UBE2Q1: variants seen among roughly 807,000 people sequenced by gnomAD.
The protein encoded by UBE2Q1 is ubiquitin conjugating enzyme E2 Q1.
A neutral mutation model predicts 60.1 loss-of-function variants in UBE2Q1; 6 were observed. The observed-to-expected ratio is 0.10, with a 90% confidence interval of 0.05 to 0.20. The LOEUF is 0.20. UBE2Q1 is among the 10% of genes least tolerant of loss of function. UBE2Q1 has a pLI of 1.00. For missense variants in UBE2Q1, 262 were observed against 525.8 expected, an observed-to-expected ratio of 0.50 and a Z score of 4.91; for synonymous variants, 226 against 208.3, an observed-to-expected ratio of 1.09 and a Z score of -0.73.
chr1:154,553,078 G>A lies in UBE2Q1; in HGVS notation c.683C>T (p.Ala228Val), dbSNP rs1378027309. Residue 228 changes from alanine to valine, a missense_variant, in exon 5 of 13, where the codon GCC becomes GTC. Ala to Val is a moderately conservative substitution (Grantham distance 64). Around this residue, in one of 5 missense-constraint regions of UBE2Q1, gnomAD observed 111 missense variants for 266.8 expected, o/e 0.42. Transcript: ENST00000292211. ...EDDGIGKENL[A>V]ILEKIKKNQR... ...GTTCTTTTTAATTTTCTCTAGGATG[G>A]CCAAGTTTTCTTTTCCAATGCCATC... 1.9e-6 allele frequency: 3 copies of A among 1,613,932 alleles called. No individual in the cohort carries two copies. The highest frequency in any genetic ancestry group is 2.7e-5 in the African/African-American group (2 of 74,880).
chr1:154,553,194 A>G (rs1246661055), intron 4 of UBE2Q1, 22 bp from the exon 5 acceptor site: 7 of 1,598,984 alleles, frequency 4.4e-6, no homozygotes, highest in Non-Finnish European at 6.0e-6. Context: ...GTGGGGTGGG[A>G]GTGAAAAGAA....
intron 3 of UBE2Q1, 198 bp from the exon 4 acceptor site, chr1:154,554,983 A>G (rs1695857895): frequency 3.4e-6 from 2 of 580,038 alleles, no homozygotes; most frequent in Admixed American, 3.2e-5. Context: ...TTTTTCGCCT[A>G]TCACTGCCAA....
At chr1:154,551,700 G>A in intron 10 of UBE2Q1, 71 bp downstream of exon 10, 1 of 1,594,856 alleles carries the variant, frequency 6.3e-7, no homozygotes, top group East Asian at 2.2e-5. Context: ...CCAGCCCGTA[G>A]GGGTGTGTGC....
rs1486825151 is a variant in UBE2Q1, at chr1:154,558,612, G to GCGC, written c.-60_-59insGCG. On this transcript the variant is annotated 5_prime_UTR_variant, in exon 1 of 13. Coordinates refer to ENST00000292211, the MANE Select transcript of UBE2Q1 (RefSeq NM_017582.7). ...CGGGAGCCTCCGGCCTGCGCTCCGG[G>GCGC]CTCCGCCGCCGCCGCCGCCGCCGCC... 3.2e-6 allele frequency: 3 copies of GCGC among 946,254 alleles called. No homozygotes were observed. The South Asian group carries it at 1.5e-4, about 46-fold the overall frequency. 58.6% of individuals were successfully genotyped at this position (946,254 alleles called of 1,614,324 possible).
At chr1:154,556,147 T>C (rs890570077) in intron 1 of UBE2Q1, among the ~76,000 whole-genome samples, 183 bp from the exon 2 acceptor site, 8 of 133,360 alleles carry the variant, frequency 6.0e-5, no homozygotes, top group Middle Eastern at 4.3e-3. Flanking sequence ...AATTCTAAAC[T>C]GGAAGAAAAA....
At chr1:154,558,164 A>G (rs1165500014) in intron 1 of UBE2Q1, 63 bp downstream of exon 1, 5 of 1,367,486 alleles carry the variant, frequency 3.7e-6, no homozygotes, top group Non-Finnish European at 4.9e-6. Flanking sequence ...AAAAAGCTGG[A>G]TGGAGTGATC....
intron 12 of UBE2Q1, 42 bp from the exon 13 acceptor site, chr1:154,550,511 C>T: frequency 6.2e-7 from 1 of 1,612,890 alleles, no homozygotes; most frequent in Non-Finnish European, 8.5e-7. Flanking sequence ...AGGTTCAGGC[C>T]CACCCTCCCT....
intron 11 of UBE2Q1, 118 bp downstream of exon 11, chr1:154,551,279 G>A: frequency 8.9e-7 from 1 of 1,121,202 alleles, no homozygotes; most frequent in Non-Finnish European, 1.3e-6. Flanking sequence ...CTCATCCAAT[G>A]CCACCAGCCC....
intron 10 of UBE2Q1, 39 bp downstream of exon 10, chr1:154,551,732 G>A (rs147557289): frequency 5.9e-4 from 946 of 1,613,652 alleles, no homozygotes; most frequent in Non-Finnish European, 7.1e-4. Flanking sequence ...GACAATCCCC[G>A]CCCAGGCCGG....
At chr1:154,553,253 C>A (rs1209534103) in intron 4 of UBE2Q1, 81 bp from the exon 5 acceptor site, 1 of 1,532,048 alleles carries the variant, frequency 6.5e-7, no homozygotes, top group Non-Finnish European at 8.7e-7. Context: ...CCTTCCCAGT[C>A]CCATTTGGCG....
At chr1:154,552,583 G>A (rs1695810675) in intron 6 of UBE2Q1, 119 bp from the exon 7 acceptor site, 1 of 1,447,586 alleles carries the variant, frequency 6.9e-7, no homozygotes. Flanking sequence ...CACCACAGAT[G>A]GACATGCAAC....
At chr1:154,558,180 T>C in intron 1 of UBE2Q1, 47 bp downstream of exon 1, 1 of 1,432,054 alleles carries the variant, frequency 7.0e-7, no homozygotes, top group Non-Finnish European at 9.3e-7. Flanking sequence ...TGATCCTGGG[T>C]CCCTGACAAG....
chr1:154,550,276 TTAGCG>T lies in UBE2Q1; in HGVS notation c.*157_*161del. 1 of 972,168 alleles carries T rather than the reference TTAGCG, an allele frequency of 1.0e-6. No homozygotes were observed. Among genetic ancestry groups the T allele is most frequent in the Admixed American group, 2.2e-5 (1 of 44,830 alleles). The allele number at this position is 972,168 out of a possible 1,614,324, so 60.2% of individuals were successfully genotyped here. ...ACAGTTCTGTGTTTGTTTTTTTTCC[TTAGCG>T]TTTAGAATAGCCATCATTGTCCTGC... On this transcript the variant is annotated 3_prime_UTR_variant, in exon 13 of 13. Coordinates refer to ENST00000292211, the MANE Select transcript of UBE2Q1 (RefSeq NM_017582.7).
rs371296300 is a variant in UBE2Q1 at position 154,552,838 on chromosome 1, C to T, written c.730-18G>A. On this transcript the variant is annotated intron_variant, in intron 5 of 12. Coordinates refer to ENST00000292211, the MANE Select transcript of UBE2Q1 (RefSeq NM_017582.7). ...ACTGCACCCTGTGAGGGACGGATGA[C>T]AGGAACATTCCTTGGTCGTGTGGTT... The T allele has an allele frequency of 1.4e-4, 221 of 1,613,284 alleles. No homozygotes were observed. Among genetic ancestry groups the T allele is most frequent in the Non-Finnish European group, 1.8e-4 (207 of 1,179,710 alleles).
intron 11 of UBE2Q1, 179 bp downstream of exon 11, chr1:154,551,218 T>G (rs1695786245): frequency 4.8e-6 from 4 of 829,164 alleles, no homozygotes; most frequent in Non-Finnish European, 5.7e-6. Flanking sequence ...GTCCTAGGGG[T>G]GCCCCTAGGG....
At chr1:154,555,393 T>TG in intron 3 of UBE2Q1, 35 bp downstream of exon 3, 1 of 1,587,146 alleles carries the variant, frequency 6.3e-7, no homozygotes, top group East Asian at 2.2e-5. Flanking sequence ...GGGGCAACTC[T>TG]GCACAACAGG....
Position 154,555,980 on chromosome 1 carries a change from C to A in UBE2Q1, c.328-16G>T. 6.2e-7 allele frequency: 1 copy of A among 1,609,674 alleles called. No homozygotes were observed. The highest frequency in any genetic ancestry group is 8.5e-7 in the Non-Finnish European group (1 of 1,176,330). On this transcript the variant is annotated splice_polypyrimidine_tract_variant and intron_variant, in intron 1 of 12. Transcript: ENST00000292211. ...GGTATGACTCCTGAAGGGAAAAGAG[C>A]AATAAGAGCAATCAAAATGGGTGAC...
At chr1:154,550,912 C>G in intron 12 of UBE2Q1, 26 bp downstream of exon 12, 2 of 1,614,062 alleles carry the variant, frequency 1.2e-6, no homozygotes, top group Non-Finnish European at 1.7e-6. Context: ...GTGTCCGAAT[C>G]TCCTGAGTCC....
chr1:154,550,754 G>A, intron 12 of UBE2Q1, 184 bp downstream of exon 12: 1 of 985,414 alleles, frequency 1.0e-6, no homozygotes, highest in Admixed American at 6.1e-5. Flanking sequence ...ATTTTGGTGT[G>A]TTTCTGGAAG....
Sources: gnomAD v4.1 joint callset for allele counts (sites outside exome capture counted in the v4.1 genomes callset) on GRCh38, gnomAD v4.1.1 for gene constraint, gnomAD v4.1.1 regional missense constraint, MANE v1.5 for transcripts, NCBI Gene and HGNC (gene_info 2026-07-23, HGNC 2026-07-21) for gene names.